The following MAP6 variants were observed in gnomAD, a reference collection of about 807,000 sequenced individuals.
The protein encoded by MAP6 is microtubule-associated protein 6.
A neutral mutation model predicts 42.4 loss-of-function variants in MAP6; 26 were observed. The observed-to-expected ratio is 0.61, with a 90% confidence interval of 0.45 to 0.85. MAP6 has a LOEUF of 0.85. Ranked by LOEUF, MAP6 falls within the 40% of genes least tolerant of loss-of-function variation. The pLI, the probability that MAP6 is intolerant of heterozygous loss-of-function variation, is 0.00. For synonymous variants in MAP6, 418 were observed against 443.8 expected, an observed-to-expected ratio of 0.94 and a Z score of 0.73; for missense variants, 966 against 1,099.0, an observed-to-expected ratio of 0.88 and a Z score of 1.71.
Position 75,667,767 on chromosome 11 carries a change from C to T in MAP6, c.603G>A (p.Gln201=), listed in dbSNP as rs1943982955. The T allele has an allele frequency of 7.6e-7, 1 of 1,309,400 alleles. No homozygotes were observed. The highest frequency in any genetic ancestry group is 1.5e-5 in the African/African-American group (1 of 64,856). 81.1% of individuals were successfully genotyped at this position (1,309,400 alleles called of 1,614,324 possible). Residue 201 remains glutamine, a synonymous_variant, in exon 1 of 4, where the codon CAG becomes CAA. Coordinates refer to ENST00000304771, the MANE Select transcript of MAP6 (RefSeq NM_033063.2). This position sits in a 1 kb window ranked among gnomAD's most constrained non-coding sequence, Gnocchi z 5.6. ...CGGCGGCCTGCACTGGCCAGCGCTC[C>T]TGGCTCTGCGGCCGGCGCTTGGGCG... ...LGAPKRRPQS[Q]ERWPVQAAAE...
Position 75,587,051 on chromosome 11 carries a change from GGTGA to G in MAP6, c.*4_*7del, listed in dbSNP as rs1484293907. ...CAGCTCCTTCATTGGTGTGTCAAGGGGTGAGTGTCAAGGGGAGCTCTCAATGTAT... is the reference window on the plus strand; with the variant it reads ...CAGCTCCTTCATTGGTGTGTCAAGGGGTGTCAAGGGGAGCTCTCAATGTAT... On this transcript the variant is annotated 3_prime_UTR_variant, in exon 4 of 4. Transcript: ENST00000304771. The G allele has an allele frequency of 6.4e-7, 1 of 1,568,372 alleles. No individual in the cohort carries two copies. The highest frequency in any genetic ancestry group is 1.4e-5 in the African/African-American group (1 of 73,424).
chr11:75,623,203 T>A (rs751699317), intron 1 of MAP6, among the ~76,000 whole-genome samples: 2 of 152,162 alleles, frequency 1.3e-5, no homozygotes, highest in Non-Finnish European at 2.9e-5. Context: ...TTAAAAAGCA[T>A]GCTAAATGAA....
intron 3 of MAP6, chr11:75,604,985 T>C (rs190285573): frequency 2.0e-6 from 2 of 985,414 alleles, no homozygotes; most frequent in East Asian, 2.3e-4. Context: ...TCCTCAGACA[T>C]CTCCAACCGG....
At chr11:75,627,767 G>A (rs1436771588) in intron 1 of MAP6, among the ~76,000 whole-genome samples, 3 of 152,128 alleles carry the variant, frequency 2.0e-5, no homozygotes, top group Non-Finnish European at 4.4e-5. Flanking sequence ...AGGGGGTTCC[G>A]TGTCTTGACC....
chr11:75,664,715 A>T (rs903504798), intron 1 of MAP6, among the ~76,000 whole-genome samples: 1 of 152,272 alleles, frequency 6.6e-6, no homozygotes, highest in African/African-American at 2.4e-5. Flanking sequence ...CTAGAAACAT[A>T]GCAAGGAAAA....
At chr11:75,633,378 T>C (rs1943314744) in intron 1 of MAP6, among the ~76,000 whole-genome samples, 1 of 152,246 alleles carries the variant, frequency 6.6e-6, no homozygotes. Context: ...AAGTATTTCA[T>C]GAGGACATGC....
In MAP6 at chr11:75,668,742, C is replaced by G. The variant is rs1001951903; in HGVS notation, c.-373G>C. On this transcript the variant is annotated 5_prime_UTR_variant, in exon 1 of 4. Coordinates refer to ENST00000304771, the MANE Select transcript of MAP6 (RefSeq NM_033063.2). Reference sequence around the variant, plus strand: ...CGACGTGAGGAGAGGTGGCTACAGGCTTAAGCCATGGCGCAGAGGAGGGGC... The same window carrying G: ...CGACGTGAGGAGAGGTGGCTACAGGGTTAAGCCATGGCGCAGAGGAGGGGC... The G allele has an allele frequency of 1.7e-5, 3 of 173,212 alleles. No homozygotes were observed. The highest frequency in any genetic ancestry group is 7.1e-5 in the African/African-American group (3 of 42,082). The allele number at this position is 173,212 out of a possible 1,614,324, so 10.7% of individuals were successfully genotyped here.
At chr11:75,614,965 T>C (rs563854559) in intron 1 of MAP6, among the ~76,000 whole-genome samples, 70 of 152,308 alleles carry the variant, frequency 4.6e-4, no homozygotes, top group African/African-American at 1.3e-3. Flanking sequence ...GGGTGAATGG[T>C]CTGCAGCCTT....
chr11:75,663,933 G>A (rs1943899386), intron 1 of MAP6, among the ~76,000 whole-genome samples: 1 of 152,146 alleles, frequency 6.6e-6, no homozygotes. Context: ...TCTACCTCCT[G>A]GTGCCTCAGC....
At chr11:75,607,464 C>T (rs1942800950) in intron 2 of MAP6, 1 of 985,328 alleles carries the variant, frequency 1.0e-6, no homozygotes, top group Admixed American at 6.1e-5. Context: ...TCACGAACTC[C>T]TATGTAAGGT....
intron 1 of MAP6, among the ~76,000 whole-genome samples, chr11:75,649,289 A>G (rs1366811933): frequency 1.3e-5 from 2 of 152,156 alleles, no homozygotes; most frequent in African/African-American, 4.8e-5. Flanking sequence ...TGGGTGAAAA[A>G]AACAAAGTGA....
At chr11:75,604,572 T>A (rs1942723158) in intron 3 of MAP6, 1 of 985,170 alleles carries the variant, frequency 1.0e-6, no homozygotes, top group Non-Finnish European at 1.2e-6. Flanking sequence ...TGGTAACTAT[T>A]TTGAGTTCCC....
intron 3 of MAP6, among the ~76,000 whole-genome samples, chr11:75,591,093 A>G (rs1260764868): frequency 3.3e-5 from 5 of 152,254 alleles, no homozygotes; most frequent in Admixed American, 6.5e-5. Context: ...TCCCAATATA[A>G]AATGTGTAAC....
chr11:75,663,210 A>G (rs1943886935), intron 1 of MAP6, among the ~76,000 whole-genome samples: 1 of 149,388 alleles, frequency 6.7e-6, no homozygotes, highest in Non-Finnish European at 1.5e-5. Context: ...CAAACTCCTG[A>G]CCTCGTGATC....
intron 1 of MAP6, among the ~76,000 whole-genome samples, chr11:75,628,859 T>C (rs1943239849): frequency 6.6e-6 from 1 of 152,216 alleles, no homozygotes; most frequent in Admixed American, 6.5e-5. Flanking sequence ...ACGTAAAAGT[T>C]ACATTTACAA....
intron 1 of MAP6, among the ~76,000 whole-genome samples, chr11:75,657,732 C>T (rs976794621): frequency 8.5e-5 from 13 of 152,170 alleles, no homozygotes; most frequent in African/African-American, 2.9e-4. Flanking sequence ...CTTCTAGAGG[C>T]GGCTTACATT....
At chr11:75,658,449 T>C (rs1159743795) in intron 1 of MAP6, among the ~76,000 whole-genome samples, 2 of 151,568 alleles carry the variant, frequency 1.3e-5, no homozygotes, top group Non-Finnish European at 2.9e-5. Context: ...TCCTAGGCTC[T>C]TCCCTCTCCC....
intron 1 of MAP6, among the ~76,000 whole-genome samples, chr11:75,660,259 T>C (rs1943820585): frequency 6.6e-6 from 1 of 152,206 alleles, no homozygotes; most frequent in African/African-American, 2.4e-5. Flanking sequence ...CCTATGACTT[T>C]CACAGGAAGT....
intron 3 of MAP6, 101 bp from the exon 4 acceptor site, chr11:75,588,285 C>T (rs572576995): frequency 1.8e-6 from 2 of 1,083,966 alleles, no homozygotes; most frequent in South Asian, 1.6e-5. Flanking sequence ...GGAGCCTGGG[C>T]CGGGCAGCTC....
Sources: gnomAD v4.1 joint callset for allele counts (sites outside exome capture counted in the v4.1 genomes callset) on GRCh38, gnomAD v4.1.1 for gene constraint, Gnocchi (gnomAD v3.1) non-coding constraint, MANE v1.5 for transcripts, NCBI Gene and HGNC (gene_info 2026-07-23, HGNC 2026-07-21) for gene names.